Variants in HOXD11 observed in about 807,000 individuals in gnomAD.
HOXD11 encodes the protein homeobox D11, also known as homeobox protein Hox-D11.
In HOXD11, 16 loss-of-function variants were observed where a neutral mutation model predicts 23.1. That is an observed-to-expected ratio of 0.69 (90% CI 0.47 to 1.05). The LOEUF (loss-of-function observed/expected upper bound fraction) is 1.05, where lower values mean the gene tolerates loss of function less well. Ranked by LOEUF, HOXD11 falls within the 50% of genes least tolerant of loss-of-function variation. The pLI is 0.00. For synonymous variants in HOXD11, 262 were observed against 224.4 expected, an observed-to-expected ratio of 1.17 and a Z score of -1.50; for missense variants, 564 against 495.6, an observed-to-expected ratio of 1.14 and a Z score of -1.31.
downstream of HOXD11, among the ~76,000 whole-genome samples, chr2:176,111,840 A>AAAACAAAAC (rs1689678723): frequency 7.1e-6 from 1 of 140,724 alleles, no homozygotes; most frequent in Non-Finnish European, 1.6e-5. Context: ...AAAAAAAAAA[A>AAAACAAAAC]AAAAAAAAAC....
rs781173812 is a variant in HOXD11 at position 176,108,974 on chromosome 2, C to G, written c.849C>G (p.Arg283=). Residue 283 remains arginine, a synonymous_variant, in exon 2 of 2, where the codon CGC becomes CGG. Transcript: ENST00000249504. The part of the protein sequence containing the change: ...YTKYQIRELE[R]EFFFNVYINK... ...AGTACCAGATCCGCGAACTGGAACGCGAGTTTTTCTTTAACGTGTACATAA... is the reference window on the plus strand; with the variant it reads ...AGTACCAGATCCGCGAACTGGAACGGGAGTTTTTCTTTAACGTGTACATAA... 1.2e-6 allele frequency: 2 copies of G among 1,614,062 alleles called. No homozygotes were observed.
chr2:176,108,990 G>C lies in HOXD11; in HGVS notation c.865G>C (p.Val289Leu). ...RELEREFFFNVYINKEKRLQL... is the reference protein window; with the variant it reads ...RELEREFFFNLYINKEKRLQL... ...ACTGGAACGCGAGTTTTTCTTTAAC[G>C]TGTACATAAACAAAGAGAAAAGACT... Residue 289 changes from valine to leucine, a missense_variant, in exon 2 of 2, where the codon GTG (valine) becomes CTG (leucine). Coordinates refer to ENST00000249504, the MANE Select transcript of HOXD11 (RefSeq NM_021192.3). 1.9e-6 allele frequency: 3 copies of C among 1,614,018 alleles called. No individual in the cohort carries two copies. The highest frequency in any genetic ancestry group is 2.5e-6 in the Non-Finnish European group (3 of 1,179,898).
At chr2:176,108,511 C>G (rs116518619) in intron 1 of HOXD11, among the ~76,000 whole-genome samples, 270 of 151,880 alleles carry the variant, frequency 1.8e-3, no homozygotes, top group African/African-American at 6.4e-3. Flanking sequence ...GGAGTTTGAT[C>G]CTTGCACTGG....
chr2:176,113,136 G>A (rs1689700585), downstream of HOXD11, among the ~76,000 whole-genome samples: 1 of 152,180 alleles, frequency 6.6e-6, no homozygotes, highest in African/African-American at 2.4e-5. Context: ...TTGGCTTGGA[G>A]GTGCACAGTG....
chr2:176,111,789 G>A (rs941235071), downstream of HOXD11, among the ~76,000 whole-genome samples: 1 of 126,606 alleles, frequency 7.9e-6, no homozygotes, highest in Admixed American at 9.5e-5. Context: ...CTTGTCTAGG[G>A]TTGGACACCC....
In HOXD11 at chr2:176,108,961, G is replaced by T. The variant is rs751046676; in HGVS notation, c.836G>T (p.Arg279Leu). The change falls in exon 2 of 2, where the codon CGC (arginine) becomes CTC (leucine). Residue 279 changes from arginine (R) to leucine (L), a missense_variant. By Grantham distance (102) the Arg-to-Leu change is moderately radical. Coordinates refer to ENST00000249504, the MANE Select transcript of HOXD11 (RefSeq NM_021192.3). ...TGTCCCTATACCAAGTACCAGATCC[G>T]CGAACTGGAACGCGAGTTTTTCTTT... ...KRCPYTKYQI[R>L]ELEREFFFNV... The T allele has an allele frequency of 6.2e-6, 10 of 1,613,984 alleles. No homozygotes were observed. The South Asian group carries it at 9.9e-5, about 16-fold the overall frequency.
At chr2:176,112,185 A>C (rs1360553962), downstream of HOXD11, among the ~76,000 whole-genome samples, 1 of 152,172 alleles carries the variant, frequency 6.6e-6, no homozygotes, top group Non-Finnish European at 1.5e-5. Context: ...TTTGCGTTTG[A>C]CAGAAAACTG....
chr2:176,114,415 G>A (rs551921052), downstream of HOXD11, among the ~76,000 whole-genome samples: 3 of 152,254 alleles, frequency 2.0e-5, no homozygotes, highest in African/African-American at 7.2e-5. Flanking sequence ...TAAACCCCAG[G>A]CTATGCTGGG....
At chr2:176,110,143 A>G (rs1054957826), downstream of HOXD11, among the ~76,000 whole-genome samples, 2 of 152,236 alleles carry the variant, frequency 1.3e-5, no homozygotes, top group African/African-American at 4.8e-5. Context: ...GTGGACCTGG[A>G]GTAGGGAAGG....
chr2:176,108,827 G>A, intron 1 of HOXD11, 80 bp from the exon 2 acceptor site: 1 of 960,364 alleles, frequency 1.0e-6, no homozygotes, highest in Non-Finnish European at 1.5e-6. Flanking sequence ...CCTGGCCCTC[G>A]CTCAGTGGCC....
Position 176,107,691 on chromosome 2 carries a change from G to C in HOXD11, c.336G>C (p.Ala112=). ...GYAPYYAAAA[A]AAAAAAAAEE... ...CTCCCTACTACGCGGCGGCGGCGGC[G>C]GCGGCTGCGGCGGCCGCGGCGGCCG... Residue 112 remains alanine, a synonymous_variant, in exon 1 of 2, where the codon GCG becomes GCC. Transcript: ENST00000249504. The C allele has an allele frequency of 1.0e-6, 1 of 1,003,460 alleles. No individual in the cohort carries two copies. The highest frequency in any genetic ancestry group is 1.2e-6 in the Non-Finnish European group (1 of 844,782). The allele number at this position is 1,003,460 out of a possible 1,614,324, so 62.2% of individuals were successfully genotyped here. A position where few individuals can be genotyped will look rare whatever the true frequency, so the allele number is the denominator to read the frequency against.
At chr2:176,110,424 C>T (rs902322932), downstream of HOXD11, among the ~76,000 whole-genome samples, 1 of 152,214 alleles carries the variant, frequency 6.6e-6, no homozygotes, top group Non-Finnish European at 1.5e-5. Flanking sequence ...GAAAAGCTCT[C>T]TCTCTGAAAA....
chr2:176,114,573 G>A (rs1291932993), downstream of HOXD11, among the ~76,000 whole-genome samples: 1 of 152,160 alleles, frequency 6.6e-6, no homozygotes, highest in Non-Finnish European at 1.5e-5. Flanking sequence ...AGAGCACCGA[G>A]AGGGAACAGG....
At chr2:176,112,386 G>A (rs4972803), downstream of HOXD11, among the ~76,000 whole-genome samples, 18,920 of 152,208 alleles carry the variant, frequency 0.12, 1,475 homozygotes, top group Admixed American at 0.18. Context: ...GAGGATGACT[G>A]CCCCCTTTCC....
At chr2:176,114,836 C>A in the HOXD11 span, among the ~76,000 whole-genome samples, 1 of 152,354 alleles carries the variant, frequency 6.6e-6, no homozygotes, top group East Asian at 1.9e-4. Flanking sequence ...CCAGCCCATG[C>A]CCCAGCGAGT....
downstream of HOXD11, among the ~76,000 whole-genome samples, chr2:176,113,035 C>G (rs186781718): frequency 7.7e-4 from 117 of 152,334 alleles, no homozygotes; most frequent in African/African-American, 2.6e-3. Context: ...GAAGGAGGTT[C>G]TCCGGCCGCC....
At chr2:176,114,548 G>T (rs1689721355), downstream of HOXD11, among the ~76,000 whole-genome samples, 1 of 152,082 alleles carries the variant, frequency 6.6e-6, no homozygotes, top group East Asian at 1.9e-4. Context: ...TTTAAAAGAG[G>T]TTATTGTTTG....
chr2:176,114,050 C>A (rs535584299), downstream of HOXD11, among the ~76,000 whole-genome samples: 1 of 152,352 alleles, frequency 6.6e-6, no homozygotes, highest in African/African-American at 2.4e-5. Flanking sequence ...AACAGTCTTG[C>A]CTTTCTTAGG....
In HOXD11 at chr2:176,107,817, G is replaced by T; in HGVS notation, c.462G>T (p.Pro154=). ...PEPVCAAPGP[P]HGPAGAASNF... is the part of the protein sequence containing the mutation. ...CGGTGTGCGCTGCGCCGGGGCCGCC[G>T]CACGGCCCCGCGGGCGCCGCCTCCA... The change falls in exon 1 of 2, where the codon CCG becomes CCT. Residue 154 remains proline, a synonymous_variant. Coordinates refer to ENST00000249504, the MANE Select transcript of HOXD11 (RefSeq NM_021192.3). 1.4e-6 allele frequency: 2 copies of T among 1,406,260 alleles called. No homozygotes were observed. Among genetic ancestry groups the T allele is most frequent in the South Asian group, 2.9e-5 (2 of 69,076 alleles). The allele number at this position is 1,406,260 out of a possible 1,614,324, so 87.1% of individuals were successfully genotyped here. A position where few individuals can be genotyped will look rare whatever the true frequency, so the allele number is the denominator to read the frequency against.
Sources: allele counts gnomAD v4.1 joint callset (sites outside exome capture counted in the v4.1 genomes callset), GRCh38; gene constraint gnomAD v4.1.1; transcripts MANE v1.5; gene names NCBI Gene and HGNC (gene_info 2026-07-23, HGNC 2026-07-21).